Variants in MED27 observed in about 807,000 individuals in gnomAD.
MED27 encodes mediator of RNA polymerase II transcription subunit 27.
In MED27, 30 loss-of-function variants were observed where a neutral mutation model predicts 38.2. That is an observed-to-expected ratio of 0.79 (90% confidence interval 0.59 to 1.07). MED27 has a LOEUF of 1.07. Ranked by LOEUF, MED27 falls within the 50% of genes least tolerant of loss-of-function variation. The pLI, the probability that MED27 is intolerant of heterozygous loss-of-function variation, is 0.00. For synonymous variants in MED27, 122 were observed against 153.5 expected (o/e 0.79, Z 1.52); for missense variants, 289 against 397.5 (o/e 0.73, Z 2.32).
chr9:131,901,851 C>T (rs542416956), intron 4 of MED27, among the ~76,000 whole-genome samples: 2 of 152,190 alleles, frequency 1.3e-5, no homozygotes, highest in African/African-American at 2.4e-5. Flanking sequence ...TGCCTAACAA[C>T]CCGGGATTCA....
Position 132,014,387 on chromosome 9 carries a change from A to C in MED27, c.429T>G (p.Ser143=), listed in dbSNP as rs376427072. The change falls in exon 3 of 8, where the codon TCT becomes TCG. Residue 143 remains serine, a synonymous_variant. Coordinates refer to ENST00000292035, the MANE Select transcript of MED27 (RefSeq NM_004269.4). ...LKRSANQMGV[S]AKRRPKAQPT... ...GCTGAGCCTTTGGTCTACGTTTGGC[A>C]GATACTCCCATCTGATTAGCGGAAC... 16 of 1,613,330 alleles carry C rather than the reference A, an allele frequency of 9.9e-6. No homozygotes were observed. The highest frequency in any genetic ancestry group is 4.0e-5 in the African/African-American group (3 of 74,924).
intron 6 of MED27, among the ~76,000 whole-genome samples, chr9:131,875,640 C>A (rs926308652): frequency 1.3e-5 from 2 of 152,188 alleles, no homozygotes; most frequent in Non-Finnish European, 2.9e-5. Flanking sequence ...TTCATACCTA[C>A]GAATTCAACT....
intron 6 of MED27, among the ~76,000 whole-genome samples, chr9:131,874,919 T>C (rs1838903044): frequency 6.6e-6 from 1 of 152,184 alleles, no homozygotes; most frequent in Admixed American, 6.5e-5. Flanking sequence ...TCCAAAGACA[T>C]CTGGGCTCCC....
intron 6 of MED27, among the ~76,000 whole-genome samples, chr9:131,874,351 C>A (rs960595433): frequency 3.9e-5 from 6 of 152,180 alleles, no homozygotes; most frequent in Non-Finnish European, 7.3e-5. Flanking sequence ...GCCCCTGTCC[C>A]CCAAGCTGTG....
At chr9:131,995,550 A>T (rs1395874232) in intron 3 of MED27, among the ~76,000 whole-genome samples, 1 of 152,182 alleles carries the variant, frequency 6.6e-6, no homozygotes, top group Admixed American at 6.5e-5. Context: ...AGAAATAGAC[A>T]CGCCTTCCAA....
intron 4 of MED27, among the ~76,000 whole-genome samples, chr9:131,936,149 A>AAC (rs1830680699): frequency 6.7e-6 from 1 of 149,554 alleles, no homozygotes; most frequent in Non-Finnish European, 1.5e-5. Context: ...AAAAAAAAAA[A>AAC]AGAAAGAAAG....
intron 6 of MED27, among the ~76,000 whole-genome samples, chr9:131,871,232 A>G (rs1324840638): frequency 1.3e-5 from 2 of 152,156 alleles, no homozygotes; most frequent in African/African-American, 4.8e-5. Context: ...TTTCCTACTC[A>G]GGCCCTCTCC....
chr9:132,037,287 TATACACTGGTATCTTTCTCAAACA>T (rs1445872189), intron 2 of MED27, among the ~76,000 whole-genome samples: 1 of 152,216 alleles, frequency 6.6e-6, no homozygotes, highest in Non-Finnish European at 1.5e-5. Context: ...TTACGGTTAC[TATACACTGGTATCTTTCTCAAACA>T]ACTTTCTGAT....
At chr9:132,077,168 G>T (rs1834069754) in intron 2 of MED27, among the ~76,000 whole-genome samples, 1 of 152,164 alleles carries the variant, frequency 6.6e-6, no homozygotes, top group African/African-American at 2.4e-5. Flanking sequence ...ATTTTAAGGG[G>T]TTCATAAGAG....
chr9:132,000,467 C>T (rs939235693), intron 3 of MED27, among the ~76,000 whole-genome samples: 4 of 152,154 alleles, frequency 2.6e-5, no homozygotes, highest in Non-Finnish European at 4.4e-5. Context: ...AAGTTAAACA[C>T]ACACCTACCA....
intron 3 of MED27, among the ~76,000 whole-genome samples, chr9:131,968,959 T>C (rs73553089): frequency 1.3e-3 from 199 of 152,330 alleles, no homozygotes; most frequent in African/African-American, 4.5e-3. Flanking sequence ...ACGCTCCTTA[T>C]GAGAATCAAA....
intron 3 of MED27, among the ~76,000 whole-genome samples, chr9:132,009,569 T>C (rs1024857514): frequency 2.4e-4 from 37 of 152,212 alleles, no homozygotes; most frequent in Admixed American, 2.0e-4. Context: ...CGAGATCTCC[T>C]GCCAACGGCC....
At chr9:131,908,282 G>A (rs1220126374) in intron 4 of MED27, among the ~76,000 whole-genome samples, 1 of 149,460 alleles carries the variant, frequency 6.7e-6, no homozygotes, top group Non-Finnish European at 1.5e-5. Flanking sequence ...CCGGCCAGCC[G>A]CCCCGTCCGG....
At chr9:132,052,517 G>C (rs993001680) in intron 2 of MED27, among the ~76,000 whole-genome samples, 2 of 152,102 alleles carry the variant, frequency 1.3e-5, no homozygotes, top group Non-Finnish European at 2.9e-5. Context: ...GGTGCAGTGA[G>C]AGTTTCCACA....
intron 4 of MED27, among the ~76,000 whole-genome samples, chr9:131,927,246 A>G (rs1477813348): frequency 6.6e-6 from 1 of 152,242 alleles, no homozygotes; most frequent in Non-Finnish European, 1.5e-5. Flanking sequence ...GTATTTAAAG[A>G]TTATGCAAGA....
rs547153756 is a variant in MED27, at chr9:131,861,115, G to A, written c.802-443C>T. Among the ~76,000 whole-genome samples, 10 of 152,148 alleles carry A rather than the reference G, an allele frequency of 6.6e-5. No individual in the cohort carries two copies. In the South Asian group the frequency reaches 1.5e-3, roughly 22 times the overall value. ...ACCGAGGACAATTCCAGAGTTCTCC[G>A]CGGAGGTCAACATGCCTTCTAGCTA... On this transcript the variant is annotated intron_variant, in intron 7 of 7. Coordinates refer to ENST00000292035, the MANE Select transcript of MED27 (RefSeq NM_004269.4). The surrounding 1 kb of genome is among the most constrained non-coding windows in gnomAD (Gnocchi z 4.4).
At chr9:132,002,367 G>A (rs1463599951) in intron 3 of MED27, among the ~76,000 whole-genome samples, 1 of 152,190 alleles carries the variant, frequency 6.6e-6, no homozygotes, top group Non-Finnish European at 1.5e-5. Flanking sequence ...TACTCTCAGA[G>A]TGACTGGTAC....
chr9:131,923,248 T>A (rs1830428979), intron 4 of MED27, among the ~76,000 whole-genome samples: 1 of 152,154 alleles, frequency 6.6e-6, no homozygotes, highest in South Asian at 2.1e-4. Flanking sequence ...ACACTGAGGG[T>A]TGACTTTTGG....
At position 131,860,402 on chromosome 9, in the gene MED27, C is replaced by T; in HGVS notation, c.*136G>A. ...CTGCTCTTCAAGAGTGGCCTCTGCA[C>T]ACATGGCGCTGCTTTATGAAAGGGA... On this transcript the variant is annotated 3_prime_UTR_variant, in exon 8 of 8. Coordinates refer to ENST00000292035, the MANE Select transcript of MED27 (RefSeq NM_004269.4). The surrounding 1 kb of genome is among the most constrained non-coding windows in gnomAD (Gnocchi z 5.8). The T allele has an allele frequency of 9.5e-7, 1 of 1,057,906 alleles. No homozygotes were observed. The highest frequency in any genetic ancestry group is 1.3e-6 in the Non-Finnish European group (1 of 762,612). 65.5% of individuals were successfully genotyped at this position (1,057,906 alleles called of 1,614,324 possible).
Sources: gnomAD v4.1 joint callset for allele counts (sites outside exome capture counted in the v4.1 genomes callset) on GRCh38, gnomAD v4.1.1 for gene constraint, Gnocchi (gnomAD v3.1) non-coding constraint, MANE v1.5 for transcripts, NCBI Gene and HGNC (gene_info 2026-07-23, HGNC 2026-07-21) for gene names.